The following CSMD1 variants were observed in gnomAD, a reference collection of about 807,000 sequenced individuals.
CSMD1 encodes CUB and Sushi multiple domains 1.
In CSMD1, 213 loss-of-function variants were observed where a neutral mutation model predicts 417.5. The observed-to-expected ratio is 0.51, with a 90% CI of 0.46 to 0.57. The LOEUF is 0.57. CSMD1 is among the 20% of genes least tolerant of loss of function. The pLI, the probability that CSMD1 is intolerant of heterozygous loss-of-function variation, is 0.00. For missense variants in CSMD1, 6,923 were observed against 4,529.7 expected (o/e 1.53, Z -15.17); for synonymous variants, 2,862 against 1,736.8 (o/e 1.65, Z -16.11).
intron 1 of CSMD1, among the ~76,000 whole-genome samples, chr8:4,848,319 G>C (rs181532376): frequency 1.5e-4 from 23 of 152,290 alleles, no homozygotes; most frequent in Non-Finnish European, 2.6e-4. Context: ...GTCATGTGCT[G>C]GATAACCACC....
At chr8:4,111,182 T>A (rs1801835635) in intron 3 of CSMD1, among the ~76,000 whole-genome samples, 1 of 152,162 alleles carries the variant, frequency 6.6e-6, no homozygotes, top group African/African-American at 2.4e-5. Flanking sequence ...CTGTTCCCAA[T>A]ATTTTTGTTG....
intron 49 of CSMD1, among the ~76,000 whole-genome samples, chr8:3,061,293 G>C (rs1015398778): frequency 5.3e-5 from 8 of 152,058 alleles, no homozygotes; most frequent in African/African-American, 1.9e-4. Flanking sequence ...GCAGCAAATA[G>C]TCACATTTAT....
chr8:4,185,021 C>G (rs1320970530), intron 3 of CSMD1, among the ~76,000 whole-genome samples: 1 of 151,178 alleles, frequency 6.6e-6, no homozygotes, highest in African/African-American at 2.4e-5. Context: ...TGCCTTTAAT[C>G]CCAGCTACTT....
intron 1 of CSMD1, chr8:4,787,252 G>C: frequency 3.7e-6 from 2 of 547,354 alleles, no homozygotes; most frequent in African/African-American, 1.9e-5. Context: ...CCCGCCCAGA[G>C]ATGCTCTCTG....
chr8:3,176,810 G>C (rs1316138149), intron 37 of CSMD1, among the ~76,000 whole-genome samples: 1 of 141,724 alleles, frequency 7.1e-6, no homozygotes, highest in Non-Finnish European at 1.5e-5. Flanking sequence ...ACAGGGTCTT[G>C]CTCTGTCTCC....
chr8:2,950,044 C>T (rs140275281), intron 67 of CSMD1, among the ~76,000 whole-genome samples, 187 bp downstream of exon 67: 1 of 152,084 alleles, frequency 6.6e-6, no homozygotes, highest in Non-Finnish European at 1.5e-5. Flanking sequence ...CTTCTTAGAC[C>T]TGGTTTCTTC....
intron 10 of CSMD1, among the ~76,000 whole-genome samples, chr8:3,548,659 T>TACACACACAC (rs146360407): frequency 0.012 from 1,648 of 133,082 alleles, 27 homozygotes; most frequent in African/African-American, 0.028. Flanking sequence ...TATTCCATCA[T>TACACACACAC]ACACACACAC....
intron 1 of CSMD1, among the ~76,000 whole-genome samples, chr8:4,743,786 C>G (rs747775113): frequency 3.9e-5 from 6 of 152,140 alleles, no homozygotes; most frequent in African/African-American, 9.7e-5. Context: ...ACTTGAGAGG[C>G]CTTCGATACC....
chr8:4,093,137 A>T (rs1340455410), intron 3 of CSMD1, among the ~76,000 whole-genome samples: 1 of 152,238 alleles, frequency 6.6e-6, no homozygotes, highest in Non-Finnish European at 1.5e-5. Context: ...CATAAATTAT[A>T]CAAGTCATAT....
chr8:3,934,916 A>T (rs909226091), intron 5 of CSMD1, among the ~76,000 whole-genome samples: 4 of 152,188 alleles, frequency 2.6e-5, no homozygotes, highest in East Asian at 1.9e-4. Flanking sequence ...GAAGAACATT[A>T]TAAGTACGGG....
intron 5 of CSMD1, among the ~76,000 whole-genome samples, chr8:3,961,106 A>G (rs1812294317): frequency 6.6e-6 from 1 of 152,178 alleles, no homozygotes; most frequent in Admixed American, 6.5e-5. Context: ...AGTCTCCAAG[A>G]AGCTAATAAT....
chr8:3,965,808 G>C (rs548361648), intron 5 of CSMD1, among the ~76,000 whole-genome samples: 1 of 151,924 alleles, frequency 6.6e-6, no homozygotes, highest in Admixed American at 6.6e-5. Context: ...TAGTAGAGAT[G>C]GGGTTTCACC....
rs928007782 is a variant in CSMD1, at chr8:4,280,614, A to G, written c.415+139339T>C. 3.9e-5 allele frequency among the ~76,000 whole-genome samples: 6 copies of G among 152,334 alleles called. No individual in the cohort carries two copies. The East Asian group carries it at 1.2e-3, about 29-fold the overall frequency. On this transcript the variant is annotated intron_variant, in intron 3 of 69. Transcript: ENST00000635120. Reference sequence around the variant, plus strand: ...ATGGGTACTGTTTGAAGGTAAACCTATGTTGATAATAACTTTGTAAATAAA... The same window carrying G: ...ATGGGTACTGTTTGAAGGTAAACCTGTGTTGATAATAACTTTGTAAATAAA...
chr8:3,859,368 A>C (rs920373253), intron 5 of CSMD1, among the ~76,000 whole-genome samples: 4 of 152,194 alleles, frequency 2.6e-5, no homozygotes, highest in African/African-American at 9.6e-5. Context: ...GTCCAGAAAT[A>C]CTTCTTTTTA....
intron 12 of CSMD1, among the ~76,000 whole-genome samples, chr8:3,417,174 T>C (rs971679978): frequency 2.6e-5 from 4 of 152,086 alleles, no homozygotes; most frequent in African/African-American, 4.8e-5. Context: ...CCATGAAGAG[T>C]TGAGATTCTT....
In CSMD1 at chr8:3,056,058, T is replaced by G. The variant is rs1487615795; in HGVS notation, c.7475-3411A>C. 2.6e-5 allele frequency among the ~76,000 whole-genome samples: 4 copies of G among 152,248 alleles called. No homozygotes were observed. The South Asian group carries it at 8.3e-4, about 31-fold the overall frequency. ...GTTATAGGCAGAATATGTTTTGTAT[T>G]ACACATACACACATAAAATTTTTAC... On this transcript the variant is annotated intron_variant, in intron 49 of 69. Transcript: ENST00000635120.
At chr8:4,877,360 TTCTG>T (rs1013457967) in intron 1 of CSMD1, among the ~76,000 whole-genome samples, 11 of 152,118 alleles carry the variant, frequency 7.2e-5, no homozygotes, top group Non-Finnish European at 1.2e-4. Context: ...TATTTTACAT[TTCTG>T]TTTATCATAA....
intron 37 of CSMD1, among the ~76,000 whole-genome samples, chr8:3,179,234 C>T (rs548670088): frequency 4.3e-4 from 65 of 152,128 alleles, no homozygotes; most frequent in East Asian, 7.7e-4. Flanking sequence ...CGTGAGCCAC[C>T]GCGCCCAGCC....
At chr8:3,244,637 T>C (rs10107546) in intron 26 of CSMD1, among the ~76,000 whole-genome samples, 114,879 of 152,116 alleles carry the variant, frequency 0.76, 44,333 homozygotes, top group South Asian at 0.85. Flanking sequence ...GTGAAACATT[T>C]TGGGGGCAGC....
Sources: allele counts gnomAD v4.1 joint callset (sites outside exome capture counted in the v4.1 genomes callset), GRCh38; gene constraint gnomAD v4.1.1; transcripts MANE v1.5; gene names NCBI Gene and HGNC (gene_info 2026-07-23, HGNC 2026-07-21).